Variants in SDK1 observed in about 807,000 individuals in gnomAD.
SDK1 encodes the protein sidekick cell adhesion molecule 1.
SDK1 carries 157 observed loss-of-function variants against 245.5 expected under a neutral mutation model. The observed-to-expected ratio is 0.64, with a 90% confidence interval of 0.56 to 0.73. The LOEUF is 0.73. SDK1 is among the 30% of genes least tolerant of loss of function. The pLI, the probability that SDK1 is intolerant of heterozygous loss-of-function variation, is 0.00. For synonymous variants in SDK1, 1,647 were observed against 1,278.5 expected, an observed-to-expected ratio of 1.29 and a Z score of -6.15; for missense variants, 3,583 against 3,002.3, an observed-to-expected ratio of 1.19 and a Z score of -4.52.
chr7:3,637,508 T>G (rs1186132522), intron 2 of SDK1, among the ~76,000 whole-genome samples: 1 of 152,212 alleles, frequency 6.6e-6, no homozygotes, highest in East Asian at 1.9e-4. Flanking sequence ...TTGGGCAGCT[T>G]AGAAGTTGTG....
intron 1 of SDK1, among the ~76,000 whole-genome samples, chr7:3,310,542 A>T (rs1202201951): frequency 6.6e-6 from 1 of 152,190 alleles, no homozygotes; most frequent in African/African-American, 2.4e-5. Context: ...ATCAAAGGTG[A>T]CGTCCAGGTT....
chr7:3,533,436 G>A (rs1342292108), intron 1 of SDK1, among the ~76,000 whole-genome samples: 2 of 152,184 alleles, frequency 1.3e-5, no homozygotes, highest in African/African-American at 2.4e-5. Flanking sequence ...TATTCTGATA[G>A]TGCCACCAAA....
intron 40 of SDK1, among the ~76,000 whole-genome samples, chr7:4,229,579 A>T (rs531080266): frequency 7.9e-4 from 119 of 150,554 alleles, no homozygotes; most frequent in African/African-American, 2.3e-3. Context: ...AGGGAGAATC[A>T]TTTTTTTTTT....
chr7:3,351,917 C>T (rs58317645), intron 1 of SDK1, among the ~76,000 whole-genome samples: 1 of 151,904 alleles, frequency 6.6e-6, no homozygotes, highest in African/African-American at 2.4e-5. Flanking sequence ...TGTTACAGTT[C>T]CTGTATAATC....
At chr7:3,961,924 CACACACATAT>C (rs1781716279) in intron 8 of SDK1, among the ~76,000 whole-genome samples, 1 of 152,082 alleles carries the variant, frequency 6.6e-6, no homozygotes, top group Admixed American at 6.6e-5. Flanking sequence ...CACAGATGTA[CACACACATAT>C]ACACACACGC....
At chr7:3,940,284 G>A (rs1780309807) in intron 5 of SDK1, among the ~76,000 whole-genome samples, 1 of 152,256 alleles carries the variant, frequency 6.6e-6, no homozygotes, top group African/African-American at 2.4e-5. Flanking sequence ...ATCTAAACGT[G>A]CTTTGCGGGA....
At chr7:3,879,347 G>T (rs1334646879) in intron 5 of SDK1, among the ~76,000 whole-genome samples, 1 of 152,162 alleles carries the variant, frequency 6.6e-6, no homozygotes, top group African/African-American at 2.4e-5. Flanking sequence ...GCAGTTACTA[G>T]ATGAAGGTGG....
At chr7:3,324,865 C>G (rs564758676) in intron 1 of SDK1, among the ~76,000 whole-genome samples, 3 of 152,166 alleles carry the variant, frequency 2.0e-5, no homozygotes, top group South Asian at 2.1e-4. Context: ...AAGTTTCTTA[C>G]GTTTGAAAGA....
At chr7:4,091,930 C>G (rs1416756057) in intron 22 of SDK1, among the ~76,000 whole-genome samples, 1 of 152,156 alleles carries the variant, frequency 6.6e-6, no homozygotes, top group Non-Finnish European at 1.5e-5. Context: ...ACCTTCCTGG[C>G]CTTCATCACA....
chr7:3,312,043 T>C (rs1257255847), intron 1 of SDK1, among the ~76,000 whole-genome samples: 1 of 152,138 alleles, frequency 6.6e-6, no homozygotes, highest in Non-Finnish European at 1.5e-5. Context: ...CTAGAAAAAC[T>C]TTGCCTACTG....
chr7:4,149,147 C>T (rs1331383473), intron 29 of SDK1, 115 bp from the exon 30 acceptor site: 2 of 702,196 alleles, frequency 2.8e-6, no homozygotes, highest in Non-Finnish European at 4.2e-6. Flanking sequence ...CCAAGGCATG[C>T]AGGCAGCTCT....
chr7:3,687,329 A>T (rs532674557), intron 4 of SDK1, among the ~76,000 whole-genome samples: 1 of 151,942 alleles, frequency 6.6e-6, no homozygotes, highest in Non-Finnish European at 1.5e-5. Flanking sequence ...GGGTTTCACT[A>T]TGTTGGCCAG....
intron 1 of SDK1, among the ~76,000 whole-genome samples, chr7:3,323,121 G>A (rs1201435381): frequency 6.6e-6 from 1 of 152,040 alleles, no homozygotes; most frequent in African/African-American, 2.4e-5. Context: ...CCTTTTGTTT[G>A]CAGGTCCCTT....
At chr7:3,429,968 T>G (rs1779789932) in intron 1 of SDK1, among the ~76,000 whole-genome samples, 1 of 152,248 alleles carries the variant, frequency 6.6e-6, no homozygotes, top group African/African-American at 2.4e-5. Context: ...TCTCTCTATC[T>G]GTATATACAT....
chr7:3,533,588 G>A (rs2128618524), intron 1 of SDK1, among the ~76,000 whole-genome samples: 1 of 152,244 alleles, frequency 6.6e-6, no homozygotes, highest in Admixed American at 6.5e-5. Flanking sequence ...GCAGTACTGG[G>A]TACTCTGTTT....
rs538845740 is a variant in SDK1 at position 3,424,269 on chromosome 7, A to T, written c.298+122385A>T. ...AGTTCATTTTGAACAAATTGTAAGA[A>T]GATTATTTTGTGCCCATATGTGTGA... On this transcript the variant is annotated intron_variant, in intron 1 of 44. Coordinates refer to ENST00000404826, the MANE Select transcript of SDK1 (RefSeq NM_152744.4). 1.2e-3 allele frequency among the ~76,000 whole-genome samples: 177 copies of T among 152,322 alleles called. 2 individuals are homozygous for T. The South Asian group carries it at 0.028, about 24-fold the overall frequency.
intron 13 of SDK1, among the ~76,000 whole-genome samples, chr7:3,986,097 G>C (rs1783809101): frequency 6.6e-6 from 1 of 152,128 alleles, no homozygotes; most frequent in Admixed American, 6.5e-5. Flanking sequence ...GTTCAGTACA[G>C]GGCCCGGGCA....
intron 14 of SDK1, among the ~76,000 whole-genome samples, chr7:3,992,484 G>A (rs910203822): frequency 3.3e-5 from 5 of 152,264 alleles, no homozygotes; most frequent in Admixed American, 1.3e-4. Context: ...GCCAGGTGGC[G>A]GATGAGGGAA....
chr7:3,679,592 G>A (rs951419986), intron 4 of SDK1, among the ~76,000 whole-genome samples: 1 of 152,060 alleles, frequency 6.6e-6, no homozygotes, highest in East Asian at 1.9e-4. Context: ...ATGGGCAAAG[G>A]AGATTAATAG....
Sources: allele counts gnomAD v4.1 joint callset (sites outside exome capture counted in the v4.1 genomes callset), GRCh38; gene constraint gnomAD v4.1.1; transcripts MANE v1.5; gene names NCBI Gene and HGNC (gene_info 2026-07-23, HGNC 2026-07-21).